The following POU6F2 variants were observed in gnomAD, a reference collection of about 807,000 sequenced individuals.
The protein encoded by POU6F2 is POU class 6 homeobox 2.
Under a neutral mutation model 71.3 loss-of-function variants are expected in POU6F2, and 31 were observed. That is an observed-to-expected ratio of 0.43 (90% CI 0.33 to 0.59). The LOEUF (loss-of-function observed/expected upper bound fraction) is 0.59, where lower values mean the gene tolerates loss of function less well. Among genes scored for constraint, POU6F2 ranks in the 20% least tolerant of loss-of-function variants. The pLI is 0.04. For missense variants in POU6F2, 783 were observed against 856.8 expected, an observed-to-expected ratio of 0.91 and a Z score of 1.07; for synonymous variants, 347 against 355.7, an observed-to-expected ratio of 0.98 and a Z score of 0.27.
At chr7:39,136,577 G>A (rs1013802140) in intron 2 of POU6F2, among the ~76,000 whole-genome samples, 1 of 152,084 alleles carries the variant, frequency 6.6e-6, no homozygotes, top group African/African-American at 2.4e-5. Context: ...CTTTTAAGAA[G>A]GCAATTTTAA....
At chr7:39,030,080 G>C (rs1789902867) in intron 1 of POU6F2, among the ~76,000 whole-genome samples, 1 of 151,856 alleles carries the variant, frequency 6.6e-6, no homozygotes, top group Admixed American at 6.6e-5. Flanking sequence ...TTCTTTAAAA[G>C]GCTTTTTAAA....
At chr7:39,408,749 A>G (rs2115905700) in intron 6 of POU6F2, among the ~76,000 whole-genome samples, 1 of 152,354 alleles carries the variant, frequency 6.6e-6, no homozygotes, top group African/African-American at 2.4e-5. Context: ...CTAGTGCAGA[A>G]ACAGTTCAAG....
rs565272185 is a variant in POU6F2, at chr7:39,026,502, A to C, written c.105+48444A>C. On this transcript the variant is annotated intron_variant, in intron 1 of 9. Coordinates refer to ENST00000518318, the MANE Select transcript of POU6F2 (RefSeq NM_001370959.1). The stretch of plus-strand genomic sequence containing the variant: ...ATTCTCAGTAAACTATGGCAAGGAC[A>C]AAAAACCAAACACCGCATGTTCTCA... Among the ~76,000 whole-genome samples the C allele has an allele frequency of 9.9e-5, 15 of 152,130 alleles. No homozygotes were observed. The East Asian group carries it at 2.8e-3, about 28-fold the overall frequency.
intron 4 of POU6F2, among the ~76,000 whole-genome samples, chr7:39,247,138 G>A (rs934451214): frequency 2.6e-5 from 4 of 151,890 alleles, no homozygotes; most frequent in Admixed American, 6.6e-5. Flanking sequence ...AATTTACAAC[G>A]ATTTGTGGTT....
At chr7:39,001,557 T>C (rs1360519716) in intron 1 of POU6F2, among the ~76,000 whole-genome samples, 1 of 152,222 alleles carries the variant, frequency 6.6e-6, no homozygotes, top group African/African-American at 2.4e-5. Context: ...AAATCTACTT[T>C]AGATGAGGAT....
intron 1 of POU6F2, among the ~76,000 whole-genome samples, chr7:39,018,907 G>A (rs1467951048): frequency 6.6e-6 from 1 of 152,042 alleles, no homozygotes; most frequent in African/African-American, 2.4e-5. Context: ...TTACTACCTA[G>A]AATTCATTTG....
At chr7:39,063,282 G>A (rs1790693897) in intron 1 of POU6F2, among the ~76,000 whole-genome samples, 1 of 152,194 alleles carries the variant, frequency 6.6e-6, no homozygotes, top group Non-Finnish European at 1.5e-5. Context: ...GCCAAGGCAG[G>A]AGGATTACTT....
At chr7:39,425,292 A>C (rs57998785) in intron 6 of POU6F2, among the ~76,000 whole-genome samples, 42,232 of 151,644 alleles carry the variant, frequency 0.28, 6,200 homozygotes, top group East Asian at 0.54. Context: ...CGTGTTTGGG[A>C]GTTTGGTATT....
In POU6F2 at chr7:39,453,791, G is replaced by A. The variant is rs894245667; in HGVS notation, c.1489+2090G>A. Among the ~76,000 whole-genome samples, 12 of 152,232 alleles carry A rather than the reference G, an allele frequency of 7.9e-5. No individual in the cohort carries two copies. The South Asian group carries it at 1.7e-3, about 21-fold the overall frequency. On this transcript the variant is annotated intron_variant, in intron 8 of 9. Transcript: ENST00000518318. ...TGAGTGAACCATATTACATATCCTC[G>A]GTATGAAATATATAGACGTGGGAAA...
intron 2 of POU6F2, among the ~76,000 whole-genome samples, chr7:39,194,534 GCACTCTGT>G (rs1793739857): frequency 6.9e-6 from 1 of 145,688 alleles, no homozygotes; most frequent in Admixed American, 6.9e-5. Flanking sequence ...GGAGCAATCA[GCACTCTGT>G]AAAGTGGACC....
intron 1 of POU6F2, among the ~76,000 whole-genome samples, chr7:39,015,305 C>G (rs1386138983): frequency 1.2e-5 from 1 of 85,934 alleles, no homozygotes; most frequent in Non-Finnish European, 2.7e-5. Context: ...CTATAAATAT[C>G]TATATATAAT....
chr7:39,411,697 G>A (rs1180073913), intron 6 of POU6F2, among the ~76,000 whole-genome samples: 1 of 152,194 alleles, frequency 6.6e-6, no homozygotes, highest in African/African-American at 2.4e-5. Context: ...GTAGGATAGG[G>A]GCTGCCTCCT....
At chr7:38,999,130 C>T (rs1479768432) in intron 1 of POU6F2, among the ~76,000 whole-genome samples, 3 of 151,986 alleles carry the variant, frequency 2.0e-5, no homozygotes, top group Admixed American at 2.0e-4. Context: ...TGGGATAGAT[C>T]CTAATAGCAT....
At chr7:39,058,156 T>C (rs1198600994) in intron 1 of POU6F2, among the ~76,000 whole-genome samples, 5 of 152,210 alleles carry the variant, frequency 3.3e-5, no homozygotes, top group Non-Finnish European at 2.9e-5. Flanking sequence ...ATGTACTATC[T>C]GAAAGCAGCA....
chr7:39,391,858 T>G (rs1217422218), intron 5 of POU6F2, among the ~76,000 whole-genome samples: 1 of 152,234 alleles, frequency 6.6e-6, no homozygotes, highest in East Asian at 1.9e-4. Flanking sequence ...AGATTTAAAG[T>G]TCCATTGTTT....
At chr7:39,131,978 C>G (rs1001090654) in intron 2 of POU6F2, among the ~76,000 whole-genome samples, 3 of 152,120 alleles carry the variant, frequency 2.0e-5, no homozygotes, top group Non-Finnish European at 4.4e-5. Flanking sequence ...TATCCATCCC[C>G]TCAAGCACTT....
At chr7:39,140,474 T>A (rs989497329) in intron 2 of POU6F2, among the ~76,000 whole-genome samples, 1 of 152,226 alleles carries the variant, frequency 6.6e-6, no homozygotes, top group African/African-American at 2.4e-5. Context: ...CAGGGTTGAT[T>A]CCCTCTAGGG....
chr7:39,355,317 A>G (rs6953747), intron 5 of POU6F2, among the ~76,000 whole-genome samples: 7,167 of 152,314 alleles, frequency 0.047, 238 homozygotes, highest in African/African-American at 0.094. Flanking sequence ...CAGAGCACAG[A>G]AAGGCTACAA....
chr7:39,312,760 T>A (rs1785189893), intron 4 of POU6F2, among the ~76,000 whole-genome samples: 1 of 152,188 alleles, frequency 6.6e-6, no homozygotes, highest in South Asian at 2.1e-4. Context: ...ACTGCAACAG[T>A]CAGTCTGACA....
Sources: gnomAD v4.1 joint callset for allele counts (sites outside exome capture counted in the v4.1 genomes callset) on GRCh38, gnomAD v4.1.1 for gene constraint, MANE v1.5 for transcripts, NCBI Gene and HGNC (gene_info 2026-07-23, HGNC 2026-07-21) for gene names.